Variants in CHCHD6 observed in about 807,000 individuals in gnomAD.
The protein encoded by CHCHD6 is MICOS complex subunit MIC25.
Under a neutral mutation model 32.3 loss-of-function variants are expected in CHCHD6, and 28 were observed. The ratio of observed to expected loss-of-function variants is 0.87; its 90% confidence interval spans 0.64 to 1.19. The LOEUF is 1.19. Ranked by LOEUF, CHCHD6 falls within the 50% of genes most tolerant of loss-of-function variation. CHCHD6 has a pLI of 0.00. For missense variants in CHCHD6, 333 were observed against 307.0 expected, an observed-to-expected ratio of 1.08 and a Z score of -0.63; for synonymous variants, 122 against 117.5, an observed-to-expected ratio of 1.04 and a Z score of -0.25.
chr3:126,762,697 A>G (rs1937206940), intron 4 of CHCHD6, among the ~76,000 whole-genome samples: 1 of 152,100 alleles, frequency 6.6e-6, no homozygotes, highest in African/African-American at 2.4e-5. Flanking sequence ...TTTTAGAACT[A>G]TTTGTCCCTT....
intron 5 of CHCHD6, among the ~76,000 whole-genome samples, chr3:126,879,883 A>T (rs1413302216): frequency 1.3e-5 from 2 of 152,224 alleles, no homozygotes; most frequent in Non-Finnish European, 1.5e-5. Flanking sequence ...TGAAACCCTA[A>T]CAAGTGATGA....
At chr3:126,812,101 AG>A (rs903051729) in intron 4 of CHCHD6, among the ~76,000 whole-genome samples, 3 of 147,778 alleles carry the variant, frequency 2.0e-5, no homozygotes, top group Admixed American at 6.7e-5. Flanking sequence ...GTATCTGTGC[AG>A]GTTTTTTTTT....
chr3:126,788,374 T>C (rs1938337493), intron 4 of CHCHD6, among the ~76,000 whole-genome samples: 1 of 152,224 alleles, frequency 6.6e-6, no homozygotes, highest in Non-Finnish European at 1.5e-5. Context: ...CTTTTTCTAT[T>C]GATTGGAATA....
chr3:126,865,244 C>T (rs1030697459), intron 5 of CHCHD6, among the ~76,000 whole-genome samples: 1 of 151,750 alleles, frequency 6.6e-6, no homozygotes, highest in Non-Finnish European at 1.5e-5. Context: ...TTTCCACCAA[C>T]TCTACCTTGA....
intron 4 of CHCHD6, among the ~76,000 whole-genome samples, chr3:126,849,525 A>G (rs1941399920): frequency 6.6e-6 from 1 of 152,234 alleles, no homozygotes; most frequent in African/African-American, 2.4e-5. Context: ...GATTCCCTCA[A>G]TTCTCTATTC....
intron 5 of CHCHD6, among the ~76,000 whole-genome samples, chr3:126,886,766 G>A (rs957714680): frequency 2.0e-5 from 3 of 152,106 alleles, no homozygotes; most frequent in African/African-American, 7.2e-5. Context: ...ATTCCAAGTT[G>A]CCATTTACAA....
chr3:126,783,900 T>G (rs1938071744), intron 4 of CHCHD6, among the ~76,000 whole-genome samples: 1 of 152,142 alleles, frequency 6.6e-6, no homozygotes, highest in African/African-American at 2.4e-5. Context: ...TTGTCCTTGT[T>G]AAGGAACTTG....
intron 6 of CHCHD6, among the ~76,000 whole-genome samples, chr3:126,923,992 G>A (rs1276952060): frequency 6.6e-6 from 1 of 152,214 alleles, no homozygotes; most frequent in Non-Finnish European, 1.5e-5. Flanking sequence ...TCACCTGTGT[G>A]CATCAGCAGC....
At chr3:126,803,976 C>T (rs1049161634) in intron 4 of CHCHD6, among the ~76,000 whole-genome samples, 20 of 152,038 alleles carry the variant, frequency 1.3e-4, no homozygotes, top group Non-Finnish European at 2.4e-4. Context: ...GGATACATAA[C>T]GAAATGAAGG....
Position 126,733,070 on chromosome 3 carries a change from C to G in CHCHD6, c.267-8C>G, listed in dbSNP as rs370459769. On this transcript the variant is annotated splice_region_variant and splice_polypyrimidine_tract_variant and intron_variant, in intron 3 of 7. Coordinates refer to ENST00000290913, the MANE Select transcript of CHCHD6 (RefSeq NM_032343.3). Reference sequence around the variant, plus strand: ...ACATCTGTTTCTCCTCATGTTTCTTCTGCACAGGTATGAACAGGAGCATGC... The same window carrying G: ...ACATCTGTTTCTCCTCATGTTTCTTGTGCACAGGTATGAACAGGAGCATGC... The G allele has an allele frequency of 1.9e-5, 31 of 1,613,892 alleles. No homozygotes were observed. In the African/African-American group the frequency reaches 3.9e-4, roughly 20 times the overall value.
In CHCHD6 at chr3:126,742,270, G is replaced by T. The variant is rs373317842; in HGVS notation, c.411+9048G>T. Among the ~76,000 whole-genome samples the T allele has an allele frequency of 1.6e-4, 24 of 152,304 alleles. No homozygotes were observed. The South Asian group carries it at 3.9e-3, about 25-fold the overall frequency. ...AGCCACAGCCCAGGTCATACTGGAGGCATGCAGCAGAAGCGAAAGAAACCT... is the reference window on the plus strand; with the variant it reads ...AGCCACAGCCCAGGTCATACTGGAGTCATGCAGCAGAAGCGAAAGAAACCT... On this transcript the variant is annotated intron_variant, in intron 4 of 7. Coordinates refer to ENST00000290913, the MANE Select transcript of CHCHD6 (RefSeq NM_032343.3).
intron 3 of CHCHD6, among the ~76,000 whole-genome samples, chr3:126,731,098 TAAAAAA>T (rs34596059): frequency 5.4e-5 from 4 of 73,980 alleles, no homozygotes; most frequent in African/African-American, 1.0e-4. Flanking sequence ...ACCCTGTCTC[TAAAAAA>T]AAAAAAAAAA....
At chr3:126,951,338 A>G (rs1293754754) in intron 6 of CHCHD6, among the ~76,000 whole-genome samples, 1 of 152,224 alleles carries the variant, frequency 6.6e-6, no homozygotes, top group Non-Finnish European at 1.5e-5. Flanking sequence ...GTGTGAAAAC[A>G]GACTAATACA....
intron 4 of CHCHD6, among the ~76,000 whole-genome samples, chr3:126,847,490 A>G (rs1002014369): frequency 2.6e-5 from 4 of 152,168 alleles, no homozygotes; most frequent in African/African-American, 9.7e-5. Context: ...GCAAGACAGA[A>G]ATCACTGTCT....
Position 126,719,683 on chromosome 3 carries a change from A to G in CHCHD6, c.88-7395A>G, listed in dbSNP as rs549683274. Reference sequence around the variant, plus strand: ...TACTGGGTATCGTTTCTCACCTGCCATCCGAATGTGAGCTCCAGAAACTGA... The same window carrying G: ...TACTGGGTATCGTTTCTCACCTGCCGTCCGAATGTGAGCTCCAGAAACTGA... On this transcript the variant is annotated intron_variant, in intron 1 of 7. Transcript: ENST00000290913. Among the ~76,000 whole-genome samples, 4 of 152,266 alleles carry G rather than the reference A, an allele frequency of 2.6e-5. No homozygotes were observed. In the East Asian group the frequency reaches 7.7e-4, roughly 29 times the overall value.
At chr3:126,791,976 T>C (rs1576421613) in intron 4 of CHCHD6, among the ~76,000 whole-genome samples, 1 of 152,228 alleles carries the variant, frequency 6.6e-6, no homozygotes, top group African/African-American at 2.4e-5. Flanking sequence ...ATATAGTATT[T>C]GTCCATCTTT....
At chr3:126,903,181 T>G (rs918191383) in intron 5 of CHCHD6, among the ~76,000 whole-genome samples, 1 of 152,200 alleles carries the variant, frequency 6.6e-6, no homozygotes, top group African/African-American at 2.4e-5. Context: ...CAGCCTTCCC[T>G]CTGCACTCCA....
At chr3:126,932,533 C>T (rs923329888) in intron 6 of CHCHD6, among the ~76,000 whole-genome samples, 2 of 152,224 alleles carry the variant, frequency 1.3e-5, no homozygotes, top group Non-Finnish European at 2.9e-5. Context: ...TCCCCCACCC[C>T]GCTTCTTCCC....
Position 126,758,330 on chromosome 3 carries a change from C to T in CHCHD6, c.411+25108C>T, listed in dbSNP as rs543422591. Among the ~76,000 whole-genome samples the T allele has an allele frequency of 2.0e-5, 3 of 152,342 alleles. No individual in the cohort carries two copies. In the East Asian group the frequency reaches 5.8e-4, roughly 29 times the overall value. ...ATTAACCATATCCACCTCCTCATGC[C>T]ACTTGTCTGTATGTTTAATTATGTA... On this transcript the variant is annotated intron_variant, in intron 4 of 7. Coordinates refer to ENST00000290913, the MANE Select transcript of CHCHD6 (RefSeq NM_032343.3).
Sources: gnomAD v4.1 joint callset for allele counts (sites outside exome capture counted in the v4.1 genomes callset) on GRCh38, gnomAD v4.1.1 for gene constraint, MANE v1.5 for transcripts, NCBI Gene and HGNC (gene_info 2026-07-23, HGNC 2026-07-21) for gene names.